The following DCDC1 variants were observed in gnomAD, a reference collection of about 807,000 sequenced individuals.
The protein encoded by DCDC1 is doublecortin domain-containing protein 1.
In DCDC1, 200 loss-of-function variants were observed where a neutral mutation model predicts 178.3. That is an observed-to-expected ratio of 1.12 (90% CI 1.00 to 1.26). The LOEUF is 1.26. DCDC1 is among the 50% of genes most tolerant of loss of function. The pLI, the probability that DCDC1 is intolerant of heterozygous loss-of-function variation, is 0.00. For synonymous variants in DCDC1, 690 were observed against 604.8 expected, an observed-to-expected ratio of 1.14 and a Z score of -2.07; for missense variants, 1,983 against 1,749.2, an observed-to-expected ratio of 1.13 and a Z score of -2.38.
At chr11:31,051,048 A>G (rs1243772644) in intron 20 of DCDC1, among the ~76,000 whole-genome samples, 1 of 152,200 alleles carries the variant, frequency 6.6e-6, no homozygotes, top group Non-Finnish European at 1.5e-5. Flanking sequence ...GGGACCAGAG[A>G]AAGGCAAAGC....
chr11:31,324,171 G>A (rs764270606), intron 3 of DCDC1, among the ~76,000 whole-genome samples: 1 of 151,850 alleles, frequency 6.6e-6, no homozygotes, highest in Admixed American at 6.6e-5. Flanking sequence ...ATACTACATA[G>A]AATATATTCA....
At chr11:31,233,042 C>T (rs904717525) in intron 9 of DCDC1, among the ~76,000 whole-genome samples, 12 of 150,884 alleles carry the variant, frequency 8.0e-5, no homozygotes, top group African/African-American at 2.9e-4. Context: ...GAGCCAAGTT[C>T]GTGCCACTGC....
chr11:30,888,090 A>G (rs1254797215), intron 36 of DCDC1, among the ~76,000 whole-genome samples: 74 of 126,740 alleles, frequency 5.8e-4, no homozygotes, highest in African/African-American at 2.1e-3. Flanking sequence ...GAGAGAAAGA[A>G]AGAAAGAAAA....
rs574276421 is a variant in DCDC1 at position 31,227,019 on chromosome 11, T to C, written c.1221+14431A>G. Among the ~76,000 whole-genome samples the C allele has an allele frequency of 2.8e-3, 431 of 152,242 alleles. 6 individuals carry two copies. Among genetic ancestry groups the C allele is most frequent in the Non-Finnish European group, 6.9e-4 (47 of 68,012 alleles). On this transcript the variant is annotated intron_variant, in intron 9 of 38. Coordinates refer to ENST00000684477, the MANE Select transcript of DCDC1 (RefSeq NM_001387274.1). ...CTTACATTATAATGAATAAGTATTA[T>C]TCAAAGATGGAGTATAAAAAGCTAA...
chr11:31,263,662 T>G (rs1365484893), intron 8 of DCDC1, among the ~76,000 whole-genome samples: 1 of 152,216 alleles, frequency 6.6e-6, no homozygotes, highest in African/African-American at 2.4e-5. Context: ...TATCAAACTA[T>G]CATAGTTATC....
chr11:30,993,869 C>G (rs147414809), intron 20 of DCDC1, among the ~76,000 whole-genome samples: 9 of 152,062 alleles, frequency 5.9e-5, no homozygotes, highest in Non-Finnish European at 8.8e-5. Context: ...TTCTACCAAA[C>G]AGTTAATAAA....
intron 20 of DCDC1, among the ~76,000 whole-genome samples, chr11:31,048,788 C>T (rs551441036): frequency 1.3e-5 from 2 of 151,950 alleles, no homozygotes; most frequent in African/African-American, 2.4e-5. Context: ...ACCCGGGAGG[C>T]GGGGCTTGCA....
At chr11:31,176,227 T>C (rs188186672) in intron 9 of DCDC1, among the ~76,000 whole-genome samples, 270 of 152,188 alleles carry the variant, frequency 1.8e-3, no homozygotes, top group Admixed American at 2.6e-3. Flanking sequence ...AAGTGAAATG[T>C]TGAAGGTGAA....
intron 11 of DCDC1, among the ~76,000 whole-genome samples, chr11:31,110,696 A>C (rs1170010981): frequency 5.5e-5 from 8 of 144,188 alleles, no homozygotes; most frequent in Admixed American, 4.2e-4. Flanking sequence ...CGGATGCTTA[A>C]ATGAAGCAAG....
chr11:31,100,461 A>C (rs978802952), intron 15 of DCDC1, among the ~76,000 whole-genome samples: 7 of 152,346 alleles, frequency 4.6e-5, no homozygotes, highest in African/African-American at 1.7e-4. Context: ...TTTCAAAGGA[A>C]GATAATGAGT....
At chr11:31,178,665 A>T (rs1311303269) in intron 9 of DCDC1, among the ~76,000 whole-genome samples, 1 of 152,098 alleles carries the variant, frequency 6.6e-6, no homozygotes, top group African/African-American at 2.4e-5. Context: ...AACTTAAACA[A>T]CTCAACAATA....
At chr11:30,918,666 A>G (rs1946032573) in intron 25 of DCDC1, among the ~76,000 whole-genome samples, 1 of 152,182 alleles carries the variant, frequency 6.6e-6, no homozygotes, top group Admixed American at 6.5e-5. Context: ...ACAAATGAAA[A>G]GGCTATGAAG....
At position 30,903,571 on chromosome 11, in the gene DCDC1, T is replaced by C. The variant is rs982592419; in HGVS notation, c.4421A>G (p.Asp1474Gly). The change falls in exon 32 of 39, where the codon GAT becomes GGT. Residue 1474 changes from aspartate (D) to glycine (G), a missense_variant. Physicochemically the swap from Asp to Gly is moderately conservative, Grantham distance 94. Coordinates refer to ENST00000684477, the MANE Select transcript of DCDC1 (RefSeq NM_001387274.1). ...AGAGTCTCTCTGGAGAAAGGATTCATCTAGAGCCCATAAAACCAAATCACG... is the reference window on the plus strand; with the variant it reads ...AGAGTCTCTCTGGAGAAAGGATTCACCTAGAGCCCATAAAACCAAATCACG... ...TLRDLVLWAL[D>G]ESFLQRDSEK... is the part of the protein sequence containing the mutation. The C allele has an allele frequency of 1.2e-6, 2 of 1,609,404 alleles. No individual in the cohort carries two copies. The highest frequency in any genetic ancestry group is 2.2e-5 in the East Asian group (1 of 44,790).
rs146418436 is a variant in DCDC1 at position 31,219,956 on chromosome 11, C to G, written c.1221+21494G>C. ...TTAAACACGAAAGCCTGGACTTGACCTGAAGCAATCTGACTCCAGCCCCCA... is the reference window on the plus strand; with the variant it reads ...TTAAACACGAAAGCCTGGACTTGACGTGAAGCAATCTGACTCCAGCCCCCA... On this transcript the variant is annotated intron_variant, in intron 9 of 38. Coordinates refer to ENST00000684477, the MANE Select transcript of DCDC1 (RefSeq NM_001387274.1). Among the ~76,000 whole-genome samples the G allele has an allele frequency of 5.0e-3, 758 of 152,168 alleles. 9 individuals are homozygous for G. Among genetic ancestry groups the G allele is most frequent in the African/African-American group, 0.017 (722 of 41,532 alleles).
At chr11:31,245,034 G>A (rs888365623) in intron 8 of DCDC1, among the ~76,000 whole-genome samples, 7 of 151,244 alleles carry the variant, frequency 4.6e-5, no homozygotes, top group Admixed American at 2.6e-4. Flanking sequence ...TCTCACTCAC[G>A]CTGTTTCATT....
chr11:31,264,416 C>T (rs367880616), intron 8 of DCDC1, among the ~76,000 whole-genome samples: 43 of 151,994 alleles, frequency 2.8e-4, no homozygotes, highest in African/African-American at 8.7e-4. Context: ...CTGACATAGA[C>T]GAGACAGTAA....
chr11:31,113,561 T>G (rs169625), intron 11 of DCDC1, among the ~76,000 whole-genome samples: 89,850 of 151,462 alleles, frequency 0.59, 27,076 homozygotes, highest in East Asian at 0.93. Flanking sequence ...GTCCTTGCAA[T>G]AGTTTGCTCA....
chr11:31,321,198 C>T (rs572049624), intron 3 of DCDC1, among the ~76,000 whole-genome samples: 27 of 41,042 alleles, frequency 6.6e-4, no homozygotes, highest in Admixed American at 8.2e-4. Context: ...TCGAGCTTCC[C>T]GGCTGCTTTG....
intron 20 of DCDC1, among the ~76,000 whole-genome samples, chr11:31,029,678 C>CT (rs1473185064): frequency 6.6e-6 from 1 of 152,078 alleles, no homozygotes; most frequent in African/African-American, 2.4e-5. Flanking sequence ...CACATCAAAT[C>CT]AAGTCTCTAA....
Sources: gnomAD v4.1 joint callset for allele counts (sites outside exome capture counted in the v4.1 genomes callset) on GRCh38, gnomAD v4.1.1 for gene constraint, MANE v1.5 for transcripts, NCBI Gene and HGNC (gene_info 2026-07-23, HGNC 2026-07-21) for gene names.